ROBO2: variants seen among roughly 807,000 people sequenced by gnomAD.
The protein encoded by ROBO2 is roundabout guidance receptor 2, also known as roundabout homolog 2.
In ROBO2, 53 loss-of-function variants were observed where a neutral mutation model predicts 160.8. The ratio of observed to expected loss-of-function variants is 0.33; its 90% CI spans 0.26 to 0.41. The LOEUF is 0.41. Among genes scored for constraint, ROBO2 ranks in the 10% least tolerant of loss-of-function variants. ROBO2 has a pLI of 1.00. For missense variants in ROBO2, 1,577 were observed against 1,722.4 expected, an observed-to-expected ratio of 0.92 and a Z score of 1.49; for synonymous variants, 664 against 611.7, an observed-to-expected ratio of 1.09 and a Z score of -1.26.
chr3:76,112,874 T>C (rs1184849058), intron 2 of ROBO2, among the ~76,000 whole-genome samples: 2 of 152,116 alleles, frequency 1.3e-5, no homozygotes, highest in African/African-American at 4.8e-5. Flanking sequence ...TCATTAAATA[T>C]CACTGAAAAT....
chr3:77,184,414 A>G (rs78117692), intron 2 of ROBO2, among the ~76,000 whole-genome samples: 18,090 of 152,032 alleles, frequency 0.12, 1,707 homozygotes, highest in African/African-American at 0.26. Context: ...GGAATATTAT[A>G]TGCAAAAAAG....
chr3:76,976,953 G>A (rs573841764), intron 2 of ROBO2, among the ~76,000 whole-genome samples: 7 of 152,116 alleles, frequency 4.6e-5, no homozygotes, highest in African/African-American at 1.7e-4. Flanking sequence ...TATATGGTTC[G>A]CTTTCACATC....
intron 21 of ROBO2, among the ~76,000 whole-genome samples, chr3:77,609,791 C>CATATAT (rs34908269): frequency 1.0e-3 from 146 of 143,676 alleles, no homozygotes; most frequent in Admixed American, 1.9e-3. Context: ...TTTATATATA[C>CATATAT]ATATATATAT....
At chr3:77,599,490 C>A (rs1286159673) in intron 19 of ROBO2, among the ~76,000 whole-genome samples, 1 of 119,898 alleles carries the variant, frequency 8.3e-6, no homozygotes, top group Admixed American at 1.0e-4. Flanking sequence ...CACACCGGGG[C>A]CTGTTGTGGG....
At chr3:76,550,400 G>T (rs1578081995) in intron 2 of ROBO2, among the ~76,000 whole-genome samples, 1 of 152,206 alleles carries the variant, frequency 6.6e-6, no homozygotes, top group African/African-American at 2.4e-5. Flanking sequence ...ACAAATATTT[G>T]ATAGAAAATA....
intron 2 of ROBO2, among the ~76,000 whole-genome samples, chr3:76,620,964 G>A (rs1463652474): frequency 3.9e-5 from 6 of 152,120 alleles, no homozygotes; most frequent in African/African-American, 1.4e-4. Flanking sequence ...GAAACATCAT[G>A]TATAGGAATG....
chr3:76,067,305 A>G (rs930550083), intron 2 of ROBO2, among the ~76,000 whole-genome samples: 1 of 152,202 alleles, frequency 6.6e-6, no homozygotes, highest in Non-Finnish European at 1.5e-5. Context: ...AAGGAGGACA[A>G]TATCTGCATA....
At chr3:76,039,128 G>T (rs547364705) in intron 2 of ROBO2, among the ~76,000 whole-genome samples, 1 of 151,952 alleles carries the variant, frequency 6.6e-6, no homozygotes, top group Non-Finnish European at 1.5e-5. Context: ...ACAGGTGGGG[G>T]AAGTGGCCAT....
At chr3:77,380,021 G>A (rs2073228500) in intron 2 of ROBO2, among the ~76,000 whole-genome samples, 1 of 152,168 alleles carries the variant, frequency 6.6e-6, no homozygotes, top group South Asian at 2.1e-4. Context: ...ACTCAGGGAG[G>A]ACTTAACGGA....
intron 2 of ROBO2, among the ~76,000 whole-genome samples, chr3:76,994,091 T>G (rs1405876763): frequency 2.0e-5 from 2 of 98,354 alleles, no homozygotes; most frequent in African/African-American, 4.7e-5. Flanking sequence ...GCTTTTTTTG[T>G]TTTTTTTTTT....
chr3:76,112,797 T>A (rs1320906509), intron 2 of ROBO2, among the ~76,000 whole-genome samples: 1 of 152,102 alleles, frequency 6.6e-6, no homozygotes, highest in Non-Finnish European at 1.5e-5. Context: ...TCTAATTTTA[T>A]AATGAAAATG....
intron 2 of ROBO2, among the ~76,000 whole-genome samples, chr3:76,599,734 C>T (rs555674946): frequency 7.2e-5 from 11 of 152,182 alleles, no homozygotes; most frequent in Admixed American, 2.0e-4. Flanking sequence ...TTTTCAGTAA[C>T]AGCCATTCTG....
intron 2 of ROBO2, among the ~76,000 whole-genome samples, chr3:76,378,355 AT>A (rs771805653): frequency 1.3e-5 from 2 of 152,116 alleles, no homozygotes; most frequent in Non-Finnish European, 2.9e-5. Flanking sequence ...AATATTAGAG[AT>A]TTATTGATGT....
intron 2 of ROBO2, among the ~76,000 whole-genome samples, chr3:76,329,633 G>A (rs1214540671): frequency 6.6e-6 from 1 of 152,248 alleles, no homozygotes; most frequent in African/African-American, 2.4e-5. Flanking sequence ...TGCAGTAACA[G>A]TTCAGAGTCA....
chr3:76,320,921 T>A (rs751617438), intron 2 of ROBO2, among the ~76,000 whole-genome samples: 10 of 152,232 alleles, frequency 6.6e-5, no homozygotes, highest in Non-Finnish European at 1.3e-4. Flanking sequence ...ACAACGTAGA[T>A]ATACTGTACT....
intron 2 of ROBO2, among the ~76,000 whole-genome samples, chr3:77,420,737 A>T (rs1192631656): frequency 2.0e-5 from 3 of 152,124 alleles, no homozygotes; most frequent in Admixed American, 6.5e-5. Context: ...AGGCTACCAG[A>T]CTCTGCTGAT....
At chr3:76,666,533 T>C (rs1171329391) in intron 2 of ROBO2, among the ~76,000 whole-genome samples, 1 of 152,034 alleles carries the variant, frequency 6.6e-6, no homozygotes, top group African/African-American at 2.4e-5. Context: ...TAGCTGGAGG[T>C]CTTGCATGAA....
chr3:76,310,796 C>A (rs908603907), intron 2 of ROBO2, among the ~76,000 whole-genome samples: 1 of 152,146 alleles, frequency 6.6e-6, no homozygotes, highest in South Asian at 2.1e-4. Context: ...TCAAGCCCAG[C>A]ACTACCCACC....
intron 2 of ROBO2, among the ~76,000 whole-genome samples, chr3:76,299,315 A>G (rs1473635298): frequency 6.6e-6 from 1 of 152,176 alleles, no homozygotes; most frequent in Non-Finnish European, 1.5e-5. Flanking sequence ...TTCATGGAGA[A>G]TAAAAATCTG....
Sources: gnomAD v4.1 joint callset for allele counts (sites outside exome capture counted in the v4.1 genomes callset) on GRCh38, gnomAD v4.1.1 for gene constraint, MANE v1.5 for transcripts, NCBI Gene and HGNC (gene_info 2026-07-23, HGNC 2026-07-21) for gene names.